The following CDH18 variants were observed in gnomAD, a reference collection of about 807,000 sequenced individuals.
The protein encoded by CDH18 is cadherin-18.
CDH18 carries 31 observed loss-of-function variants against 67.9 expected under a neutral mutation model. The ratio of observed to expected loss-of-function variants is 0.46; its 90% CI spans 0.34 to 0.62. The LOEUF (loss-of-function observed/expected upper bound fraction) is 0.62. Ranked by LOEUF, CDH18 falls within the 20% of genes least tolerant of loss-of-function variation. The pLI, the probability that CDH18 is intolerant of heterozygous loss-of-function variation, is 0.01. For synonymous variants in CDH18, 362 were observed against 347.2 expected, an observed-to-expected ratio of 1.04 and a Z score of -0.48; for missense variants, 890 against 975.5, an observed-to-expected ratio of 0.91 and a Z score of 1.17.
chr5:19,489,297 G>C (rs923506577), intron 11 of CDH18, among the ~76,000 whole-genome samples: 3 of 147,230 alleles, frequency 2.0e-5, no homozygotes, highest in African/African-American at 7.7e-5. Context: ...GCCCAGGCTG[G>C]AGTGCAGTGG....
chr5:20,566,360 CTTTTTTTTTTTTTTTT>C (rs529048391), intron 1 of CDH18, among the ~76,000 whole-genome samples: 1 of 119,268 alleles, frequency 8.4e-6, no homozygotes, highest in African/African-American at 3.4e-5. Context: ...TTTTCTTTTT[CTTTTTTTTTTTTTTTT>C]TTGAGATAGA....
rs147780496 is a variant in CDH18, at chr5:19,737,834, G to A, written c.523+9108C>T. Among the ~76,000 whole-genome samples, 697 of 152,114 alleles carry A rather than the reference G, an allele frequency of 4.6e-3. 4 individuals are homozygous for A. The highest frequency in any genetic ancestry group is 7.5e-3 in the Non-Finnish European group (507 of 67,992). On this transcript the variant is annotated intron_variant, in intron 4 of 12. Coordinates refer to ENST00000382275, the MANE Select transcript of CDH18 (RefSeq NM_004934.5). The stretch of plus-strand genomic sequence containing the variant: ...ATTAAAAGATAGGGACAACAACATC[G>A]ACTGATTAATATTTTTAGTGATACT...
At chr5:19,639,112 C>T (rs547461055) in intron 5 of CDH18, among the ~76,000 whole-genome samples, 3 of 150,686 alleles carry the variant, frequency 2.0e-5, no homozygotes, top group South Asian at 4.2e-4. Context: ...ACGCCATTCT[C>T]CTGGCTCAGC....
chr5:19,525,455 A>G (rs1315740773), intron 9 of CDH18, among the ~76,000 whole-genome samples: 1 of 152,258 alleles, frequency 6.6e-6, no homozygotes, highest in African/African-American at 2.4e-5. Context: ...TGTAGGAAAC[A>G]GAATTTAATC....
rs560920643 is a variant in CDH18 at position 19,566,632 on chromosome 5, G to T, written c.1253+4947C>A. Among the ~76,000 whole-genome samples the T allele has an allele frequency of 1.4e-3, 220 of 152,070 alleles. 1 individual carries two copies. Among genetic ancestry groups the T allele is most frequent in the African/African-American group, 5.1e-3 (210 of 41,462 alleles). On this transcript the variant is annotated intron_variant, in intron 8 of 12. Transcript: ENST00000382275. ...TCACTACCACGAGAACACTATGGAG[G>T]AAACCGCCCCCACGATTCAATTATC...
At chr5:20,031,293 G>A (rs75782611) in intron 2 of CDH18, among the ~76,000 whole-genome samples, 4 of 152,088 alleles carry the variant, frequency 2.6e-5, no homozygotes, top group Non-Finnish European at 2.9e-5. Flanking sequence ...ATACTGGGAA[G>A]AAAAGATAGA....
chr5:19,723,761 T>C (rs1229768956), intron 4 of CDH18, among the ~76,000 whole-genome samples: 1 of 152,182 alleles, frequency 6.6e-6, no homozygotes, highest in East Asian at 1.9e-4. Context: ...TTGCCCTGGC[T>C]GGAGTACAAT....
chr5:20,407,401 G>T (rs189639592), intron 1 of CDH18, among the ~76,000 whole-genome samples: 1 of 151,864 alleles, frequency 6.6e-6, no homozygotes, highest in African/African-American at 2.4e-5. Context: ...CAGAATCTCC[G>T]GCTGGGTTGG....
chr5:20,136,058 T>C (rs1296914308), intron 2 of CDH18, among the ~76,000 whole-genome samples: 1 of 152,190 alleles, frequency 6.6e-6, no homozygotes, highest in Non-Finnish European at 1.5e-5. Flanking sequence ...CTGAGAAGAA[T>C]GTATATTCTG....
chr5:20,426,384 T>C (rs1166281162), intron 1 of CDH18, among the ~76,000 whole-genome samples: 1 of 151,204 alleles, frequency 6.6e-6, no homozygotes, highest in Non-Finnish European at 1.5e-5. Flanking sequence ...TTATTGCAGT[T>C]TTTACTCTTT....
intron 1 of CDH18, among the ~76,000 whole-genome samples, chr5:20,306,328 A>C (rs1736450341): frequency 6.6e-6 from 1 of 152,192 alleles, no homozygotes; most frequent in Non-Finnish European, 1.5e-5. Context: ...CTCTACAGAA[A>C]AATAATTGTT....
intron 5 of CDH18, among the ~76,000 whole-genome samples, chr5:19,649,335 T>C (rs1755238305): frequency 6.6e-6 from 1 of 152,036 alleles, no homozygotes; most frequent in African/African-American, 2.4e-5. Context: ...AGAAGCAAAA[T>C]ATATACAAGT....
intron 1 of CDH18, among the ~76,000 whole-genome samples, chr5:20,562,355 C>A (rs1028422959): frequency 6.6e-6 from 1 of 151,668 alleles, no homozygotes; most frequent in Non-Finnish European, 1.5e-5. Flanking sequence ...CCTAAAGAAT[C>A]TTCCCAGAAC....
chr5:19,937,031 T>A (rs1794354392), intron 2 of CDH18, among the ~76,000 whole-genome samples: 1 of 151,390 alleles, frequency 6.6e-6, no homozygotes, highest in African/African-American at 2.4e-5. Context: ...CATATGTTAC[T>A]ATAAATTAAA....
chr5:19,786,804 A>G (rs1012090972), intron 3 of CDH18, among the ~76,000 whole-genome samples: 10 of 152,112 alleles, frequency 6.6e-5, no homozygotes, highest in Admixed American at 6.6e-4. Flanking sequence ...TAGTTCTTCT[A>G]ATTTACACAA....
rs181206262 is a variant in CDH18, at chr5:19,735,737, G to A, written c.523+11205C>T. Among the ~76,000 whole-genome samples the A allele has an allele frequency of 2.6e-4, 39 of 152,140 alleles. No individual in the cohort carries two copies. In the East Asian group the frequency reaches 5.6e-3, roughly 22 times the overall value. On this transcript the variant is annotated intron_variant, in intron 4 of 12. Transcript: ENST00000382275. ...GTTAGAGAAGTCACACCTATACTTC[G>A]TAAGAAAAATAAATACAAGTCCAGT...
At chr5:20,242,636 A>ATATATATATACACATATATATACATG (rs1743060799) in intron 2 of CDH18, among the ~76,000 whole-genome samples, 5 of 58,386 alleles carry the variant, frequency 8.6e-5, no homozygotes, top group African/African-American at 4.6e-4. Flanking sequence ...ATATATATGT[A>ATATATATATACACATATATATACATG]TATATATATA....
At chr5:20,516,795 G>A (rs1237586978) in intron 1 of CDH18, among the ~76,000 whole-genome samples, 1 of 151,504 alleles carries the variant, frequency 6.6e-6, no homozygotes, top group African/African-American at 2.4e-5. Context: ...TTTTTTTTCG[G>A]ATTGCCGTAG....
At chr5:19,649,636 A>T (rs189645012) in intron 5 of CDH18, among the ~76,000 whole-genome samples, 1 of 152,094 alleles carries the variant, frequency 6.6e-6, no homozygotes, top group East Asian at 1.9e-4. Context: ...AATGGTCAAT[A>T]TATCAAGGTA....
Sources: gnomAD v4.1 joint callset for allele counts (sites outside exome capture counted in the v4.1 genomes callset) on GRCh38, gnomAD v4.1.1 for gene constraint, MANE v1.5 for transcripts, NCBI Gene and HGNC (gene_info 2026-07-23, HGNC 2026-07-21) for gene names.